Variants in MLXIPL observed in about 807,000 individuals in gnomAD.
MLXIPL encodes carbohydrate-responsive element-binding protein.
A neutral mutation model predicts 81.5 loss-of-function variants in MLXIPL; 49 were observed. The ratio of observed to expected loss-of-function variants is 0.60; its 90% CI spans 0.48 to 0.76. The LOEUF is 0.76. Ranked by LOEUF, MLXIPL falls within the 30% of genes least tolerant of loss-of-function variation. The pLI is 0.00. For missense variants in MLXIPL, 1,053 were observed against 1,167.0 expected (o/e 0.90, Z 1.42); for synonymous variants, 466 against 485.5 (o/e 0.96, Z 0.53).
At chr7:73,610,877 G>A (rs782799436) in intron 2 of MLXIPL, 4 of 152,036 alleles carry the variant, frequency 2.6e-5, no homozygotes, top group African/African-American at 9.7e-5. Context: ...AGGCTGGAGT[G>A]CAGTGGCCTG....
intron 7 of MLXIPL, among the ~76,000 whole-genome samples, chr7:73,603,636 A>G (rs1563489668): frequency 6.6e-6 from 1 of 152,178 alleles, no homozygotes; most frequent in East Asian, 1.9e-4. Flanking sequence ...GCTTTATCCC[A>G]GGGACCCTCT....
Position 73,595,877 on chromosome 7 carries a change from C to T in MLXIPL, c.2151G>A (p.Leu717=). 6.2e-7 allele frequency: 1 copy of T among 1,611,800 alleles called. No homozygotes were observed. Among genetic ancestry groups the T allele is most frequent in the Non-Finnish European group, 8.5e-7 (1 of 1,179,248 alleles). ...CATTGAGCTCCTCAATCTCATCCCG[C>T]AGCTGCTGGGCCTCCTCCTGCAAGC... ...RAGLQEEAQQ[L]RDEIEELNAA... Residue 717 remains leucine, a synonymous_variant, in exon 14 of 17, where the codon CTG becomes CTA. Coordinates refer to ENST00000313375, the MANE Select transcript of MLXIPL (RefSeq NM_032951.3).
chr7:73,643,539 A>T, the MLXIPL span, among the ~76,000 whole-genome samples: 55 of 151,546 alleles, frequency 3.6e-4, no homozygotes, highest in Non-Finnish European at 5.9e-4. Context: ...AAGAAAGATT[A>T]GGACAGTCAT....
chr7:73,618,613 G>A (rs1796136268), intron 1 of MLXIPL, among the ~76,000 whole-genome samples: 1 of 151,980 alleles, frequency 6.6e-6, no homozygotes, highest in South Asian at 2.1e-4. Context: ...AGGGACAACA[G>A]GCCTCATTAC....
upstream of MLXIPL, among the ~76,000 whole-genome samples, chr7:73,625,539 T>C (rs1025020817): frequency 1.3e-5 from 2 of 152,184 alleles, no homozygotes; most frequent in Admixed American, 1.3e-4. Context: ...GGTGGGTCAC[T>C]TGAGGCCAGG....
chr7:73,640,833 T>C, the MLXIPL span, among the ~76,000 whole-genome samples: 1 of 149,236 alleles, frequency 6.7e-6, no homozygotes, highest in Middle Eastern at 3.5e-3. Context: ...GGGAACCCTC[T>C]CCCTCTTCTT....
chr7:73,637,314 C>T, the MLXIPL span, among the ~76,000 whole-genome samples: 2 of 151,422 alleles, frequency 1.3e-5, no homozygotes, highest in Non-Finnish European at 2.9e-5. Context: ...CCCGTCTCTC[C>T]TAAATACAAA....
intron 2 of MLXIPL, among the ~76,000 whole-genome samples, chr7:73,615,642 T>C (rs1795963262): frequency 6.6e-6 from 1 of 151,608 alleles, no homozygotes; most frequent in African/African-American, 2.4e-5. Flanking sequence ...GGGTCAGGCG[T>C]GGTGGCTCAC....
the MLXIPL span, among the ~76,000 whole-genome samples, chr7:73,640,546 G>T: frequency 3.3e-3 from 507 of 152,184 alleles, 1 homozygote; most frequent in Non-Finnish European, 5.8e-3. Context: ...GGAGGCTGAG[G>T]CATGTGGATC....
At chr7:73,612,270 G>A (rs1174516199) in intron 2 of MLXIPL, among the ~76,000 whole-genome samples, 2 of 151,884 alleles carry the variant, frequency 1.3e-5, no homozygotes, top group Admixed American at 6.6e-5. Context: ...ATTGGAGGCC[G>A]CAGTGAGCTA....
the MLXIPL span, among the ~76,000 whole-genome samples, chr7:73,643,914 G>A: frequency 6.6e-6 from 1 of 151,892 alleles, no homozygotes; most frequent in Non-Finnish European, 1.5e-5. Context: ...CTACAGGTGT[G>A]CATCACCACC....
chr7:73,634,347 C>T, the MLXIPL span, among the ~76,000 whole-genome samples: 2 of 151,990 alleles, frequency 1.3e-5, no homozygotes, highest in African/African-American at 4.8e-5. Context: ...GCCTGGGCGA[C>T]GGAGTGAGAT....
upstream of MLXIPL, among the ~76,000 whole-genome samples, chr7:73,625,750 A>T (rs1796707091): frequency 5.3e-5 from 8 of 152,236 alleles, no homozygotes; most frequent in South Asian, 1.7e-3. Flanking sequence ...GCAACAGTGA[A>T]ATCCTGTTTC....
chr7:73,632,239 T>G, the MLXIPL span, among the ~76,000 whole-genome samples: 1 of 151,850 alleles, frequency 6.6e-6, no homozygotes, highest in South Asian at 2.1e-4. Context: ...TGGGCTCAAG[T>G]GATCCTCCTG....
At chr7:73,602,288 C>G (rs1554596608) in intron 7 of MLXIPL, among the ~76,000 whole-genome samples, 1 of 149,630 alleles carries the variant, frequency 6.7e-6, no homozygotes, top group African/African-American at 2.5e-5. Flanking sequence ...ACGATCTCGG[C>G]TCACTGCAGC....
At chr7:73,636,534 G>A in the MLXIPL span, among the ~76,000 whole-genome samples, 36,752 of 151,932 alleles carry the variant, frequency 0.24, 4,751 homozygotes, top group African/African-American at 0.33. Context: ...CATTCAACTG[G>A]CTGGGGTGCC....
chr7:73,620,275 G>C (rs145846649), intron 1 of MLXIPL, among the ~76,000 whole-genome samples: 1 of 151,462 alleles, frequency 6.6e-6, no homozygotes, highest in Admixed American at 6.6e-5. Context: ...ATGGTGGTGC[G>C]TGCCTGTAAT....
intron 2 of MLXIPL, among the ~76,000 whole-genome samples, chr7:73,614,686 A>C (rs1795895858): frequency 1.3e-5 from 2 of 152,112 alleles, no homozygotes; most frequent in Admixed American, 1.3e-4. Context: ...ATGAATGAGA[A>C]TGTGACCTCC....
chr7:73,626,889 T>C (rs1445793664), upstream of MLXIPL, among the ~76,000 whole-genome samples: 2 of 152,112 alleles, frequency 1.3e-5, no homozygotes, highest in African/African-American at 4.8e-5. Context: ...TGGAAAAGGT[T>C]GACATGCAGC....
Sources: allele counts gnomAD v4.1 joint callset (sites outside exome capture counted in the v4.1 genomes callset), GRCh38; gene constraint gnomAD v4.1.1; transcripts MANE v1.5; gene names NCBI Gene and HGNC (gene_info 2026-07-23, HGNC 2026-07-21).